KLHL8: variants seen among roughly 807,000 people sequenced by gnomAD.
KLHL8 encodes kelch like family member 8, also known as kelch-like protein 8.
In KLHL8, 38 loss-of-function variants were observed where a neutral mutation model predicts 63.5. The observed-to-expected ratio is 0.60, with a 90% CI of 0.46 to 0.78. KLHL8 has a LOEUF of 0.78. Among genes scored for constraint, KLHL8 ranks in the 30% least tolerant of loss-of-function variants. The pLI, the probability that KLHL8 is intolerant of heterozygous loss-of-function variation, is 0.00. For synonymous variants in KLHL8, 224 were observed against 254.3 expected (o/e 0.88, Z 1.13); for missense variants, 566 against 752.4 (o/e 0.75, Z 2.90).
In KLHL8 at chr4:87,170,164, C is replaced by T. The variant is rs752395089; in HGVS notation, c.1452G>A (p.Leu484=). Residue 484 remains leucine, a synonymous_variant, in exon 8 of 10, where the codon CTG becomes CTA. Coordinates refer to ENST00000273963, the MANE Select transcript of KLHL8 (RefSeq NM_020803.5). ...LSSVERYDPH[L]DKWIEVKEMG... is the part of the protein sequence containing the mutation. ...TTTCTTTAACTTCTATCCACTTATC[C>T]AGATGTGGATCATATCTCTCCACGC... 1.9e-6 allele frequency: 3 copies of T among 1,613,300 alleles called. No individual in the cohort carries two copies. Among genetic ancestry groups the T allele is most frequent in the Non-Finnish European group, 2.5e-6 (3 of 1,179,274 alleles).
At chr4:87,185,157 CT>C in intron 3 of KLHL8, 93 bp downstream of exon 3, 1 of 1,204,276 alleles carries the variant, frequency 8.3e-7, no homozygotes. Context: ...TTCTATATTC[CT>C]TGAAATAATC....
chr4:87,206,232 T>C (rs1227321566), intron 1 of KLHL8, among the ~76,000 whole-genome samples: 1 of 152,200 alleles, frequency 6.6e-6, no homozygotes, highest in Non-Finnish European at 1.5e-5. Context: ...TAACCTGGAT[T>C]GTAGTGACTT....
chr4:87,201,922 T>C (rs930037636), intron 1 of KLHL8, among the ~76,000 whole-genome samples: 2 of 152,038 alleles, frequency 1.3e-5, no homozygotes, highest in Non-Finnish European at 1.5e-5. Flanking sequence ...CAGAAAATTA[T>C]GTGCTTACAT....
chr4:87,169,881 A>C (rs368976627), intron 8 of KLHL8, among the ~76,000 whole-genome samples, 198 bp downstream of exon 8: 2 of 146,942 alleles, frequency 1.4e-5, no homozygotes, highest in Non-Finnish European at 3.0e-5. Context: ...AAAAAAAAAA[A>C]CAAAGAATTC....
chr4:87,222,255 T>A (rs1732888408), upstream of KLHL8, among the ~76,000 whole-genome samples: 2 of 152,214 alleles, frequency 1.3e-5, no homozygotes, highest in Non-Finnish European at 2.9e-5. Context: ...CTGTATGGGC[T>A]CAACACACTT....
At chr4:87,211,200 TTAAA>T (rs1414844835) in intron 1 of KLHL8, among the ~76,000 whole-genome samples, 2 of 152,258 alleles carry the variant, frequency 1.3e-5, no homozygotes, top group African/African-American at 4.8e-5. Flanking sequence ...TAATGTATGC[TTAAA>T]TAATTTTAAC....
At chr4:87,183,157 T>C in intron 4 of KLHL8, 46 bp downstream of exon 4, 1 of 1,425,510 alleles carries the variant, frequency 7.0e-7, no homozygotes, top group African/African-American at 1.4e-5. Context: ...AACCCTCAAA[T>C]ACAACAAAGA....
intron 2 of KLHL8, among the ~76,000 whole-genome samples, chr4:87,186,727 A>C (rs1578375965): frequency 1.3e-5 from 2 of 151,472 alleles, no homozygotes; most frequent in East Asian, 2.0e-4. Context: ...TGATTCACGC[A>C]CTTTGGCCTC....
At chr4:87,198,609 T>C (rs967818609) in intron 1 of KLHL8, among the ~76,000 whole-genome samples, 1 of 152,070 alleles carries the variant, frequency 6.6e-6, no homozygotes, top group African/African-American at 2.4e-5. Context: ...GACAAAATTA[T>C]AGAGGTGGAG....
At chr4:87,199,373 A>G (rs1731822378) in intron 1 of KLHL8, among the ~76,000 whole-genome samples, 1 of 152,170 alleles carries the variant, frequency 6.6e-6, no homozygotes, top group Non-Finnish European at 1.5e-5. Context: ...TGAAACCATA[A>G]AATGACTAGA....
chr4:87,234,436 C>CAA (rs35074980), intron 1 of KLHL8, among the ~76,000 whole-genome samples: 3,371 of 131,760 alleles, frequency 0.026, 137 homozygotes, highest in African/African-American at 0.089. Context: ...GTCTCTGTCT[C>CAA]AAAAAAAAAA....
At chr4:87,210,008 C>A (rs186295733) in intron 1 of KLHL8, among the ~76,000 whole-genome samples, 41 of 152,094 alleles carry the variant, frequency 2.7e-4, no homozygotes, top group African/African-American at 9.9e-4. Context: ...CAGGCACACA[C>A]CTCCACACCG....
At chr4:87,184,215 T>C (rs563516998) in intron 3 of KLHL8, among the ~76,000 whole-genome samples, 15 of 152,326 alleles carry the variant, frequency 9.8e-5, no homozygotes, top group African/African-American at 3.4e-4. Context: ...CTATTTGCTT[T>C]GCTGACAAAC....
At chr4:87,222,916 G>A (rs1226048734), upstream of KLHL8, among the ~76,000 whole-genome samples, 1 of 151,984 alleles carries the variant, frequency 6.6e-6, no homozygotes, top group African/African-American at 2.4e-5. Flanking sequence ...CATGTTAATA[G>A]AAATTTTGTT....
At chr4:87,178,419 G>T (rs544358884) in intron 5 of KLHL8, 58 bp downstream of exon 5, 5 of 1,471,862 alleles carry the variant, frequency 3.4e-6, no homozygotes, top group Middle Eastern at 1.8e-4. Flanking sequence ...TCTCAGAGTT[G>T]AAATATTTTA....
intron 6 of KLHL8, 49 bp from the exon 7 acceptor site, chr4:87,170,664 A>T: frequency 6.6e-7 from 1 of 1,521,378 alleles, no homozygotes; most frequent in Non-Finnish European, 8.9e-7. Flanking sequence ...GTTTCCAGGA[A>T]AAAAAGTCAT....
chr4:87,222,332 A>T (rs1011252977), upstream of KLHL8, among the ~76,000 whole-genome samples: 2 of 152,016 alleles, frequency 1.3e-5, no homozygotes, highest in Non-Finnish European at 2.9e-5. Context: ...AAGTTGCCAC[A>T]TTTCCCCAAT....
rs143255454 is a variant in KLHL8 at position 87,185,392 on chromosome 4, T to C, written c.624A>G (p.Val208=). Residue 208 remains valine (V), a synonymous_variant, in exon 3 of 10, where the codon GTA becomes GTG. Coordinates refer to ENST00000273963, the MANE Select transcript of KLHL8 (RefSeq NM_020803.5). ...AAAGCTTATGGAGGTGCTGCGGTGA[T>C]ACACTTACAAAGTCTTCACACTCCA... is the stretch of plus-strand genomic sequence containing the variant. The part of the protein sequence containing the change: ...EVVECEDFVS[V]SPQHLHKLLS... The C allele has an allele frequency of 1.2e-6, 2 of 1,614,084 alleles. No homozygotes were observed. Among genetic ancestry groups the C allele is most frequent in the African/African-American group, 2.7e-5 (2 of 74,932 alleles).
chr4:87,183,927 T>A (rs1022721092), intron 3 of KLHL8, among the ~76,000 whole-genome samples: 9 of 152,182 alleles, frequency 5.9e-5, no homozygotes, highest in Admixed American at 5.2e-4. Flanking sequence ...TAGGGATGCA[T>A]CCCCTCTTTC....
Sources: gnomAD v4.1 joint callset for allele counts (sites outside exome capture counted in the v4.1 genomes callset) on GRCh38, gnomAD v4.1.1 for gene constraint, MANE v1.5 for transcripts, NCBI Gene and HGNC (gene_info 2026-07-23, HGNC 2026-07-21) for gene names.